Variants in CCDC127 observed in about 807,000 individuals in gnomAD.
CCDC127 encodes coiled-coil domain containing 127.
CCDC127 carries 2 observed loss-of-function variants against 4.1 expected under a neutral mutation model. The observed-to-expected ratio is 0.49, with a 90% CI of 0.20 to 1.53. CCDC127 has a LOEUF of 1.53. CCDC127 is among the 40% of genes most tolerant of loss of function. The probability of loss-of-function intolerance (pLI) is 0.23; values close to 1 mark genes in which losing one functional copy is unlikely to be tolerated. For missense variants in CCDC127, 271 were observed against 322.9 expected (o/e 0.84, Z 1.23); for synonymous variants, 98 against 120.4 (o/e 0.81, Z 1.22).
At chr5:213,881 A>G (rs895697738) in intron 2 of CCDC127, 5 of 152,222 alleles carry the variant, frequency 3.3e-5, no homozygotes, top group Non-Finnish European at 5.9e-5. Context: ...CATCGACACA[A>G]AAACCTACAC....
Position 201,426 on chromosome 5 carries a change from A to G in CCDC127, c.*3871T>C, listed in dbSNP as rs2059859. 6.6e-6 allele frequency: 1 copy of G among 151,776 alleles called. No homozygotes were observed. The highest frequency in any genetic ancestry group is 2.4e-5 in the African/African-American group (1 of 41,362). The allele number at this position is 151,776 out of a possible 1,614,324, so 9.4% of individuals were successfully genotyped here. On this transcript the variant is annotated 3_prime_UTR_variant, in exon 3 of 3. Transcript: ENST00000296824. ...TAATTAGACATAACTTCTCTTTGAA[A>G]GAACACACAGATCATTTGGTGAAGT...
At chr5:211,224 C>G (rs1734280136) in intron 2 of CCDC127, among the ~76,000 whole-genome samples, 1 of 118,490 alleles carries the variant, frequency 8.4e-6, no homozygotes, top group African/African-American at 3.6e-5. Flanking sequence ...CACACTGCAG[C>G]CATGACGAGA....
chr5:218,074 G>A lies in CCDC127; in HGVS notation c.-11+19C>T. On this transcript the variant is annotated intron_variant, in intron 1 of 2. Transcript: ENST00000296824. ...AAATGTTGGTGCCCACCACCTCCCC[G>A]GAACAGGGCCCGCTCTACCTCGGTC... is the stretch of plus-strand genomic sequence containing the variant. The A allele has an allele frequency of 1.7e-6, 2 of 1,159,806 alleles. No homozygotes were observed. Among genetic ancestry groups the A allele is most frequent in the Non-Finnish European group, 2.1e-6 (2 of 940,098 alleles). The allele number at this position is 1,159,806 out of a possible 1,614,324, so 71.8% of individuals were successfully genotyped here.
rs927517039 is a variant in CCDC127, at chr5:197,450, C to T, written c.*7847G>A. 9.2e-5 allele frequency: 14 copies of T among 152,346 alleles called. No homozygotes were observed. Among genetic ancestry groups the T allele is most frequent in the Admixed American group, 5.2e-4 (8 of 15,310 alleles). The allele number at this position is 152,346 out of a possible 1,614,324, so 9.4% of individuals were successfully genotyped here. On this transcript the variant is annotated 3_prime_UTR_variant, in exon 3 of 3. Coordinates refer to ENST00000296824, the MANE Select transcript of CCDC127 (RefSeq NM_145265.3). The stretch of plus-strand genomic sequence containing the variant: ...GAAACCGTGGACAATACCCGGCTTT[C>T]AAGGGCAGAGGTCCCTGCGGCTTTC...
At chr5:213,752 C>T (rs563453660) in intron 2 of CCDC127, 1 of 152,158 alleles carries the variant, frequency 6.6e-6, no homozygotes, top group African/African-American at 2.4e-5. Context: ...TGGTGAGAAC[C>T]TAAAACGGTG....
intron 2 of CCDC127, among the ~76,000 whole-genome samples, chr5:209,960 C>T (rs1422914460): frequency 6.6e-6 from 1 of 152,288 alleles, no homozygotes. Context: ...ACTTGATAAA[C>T]AGCATCTACG....
rs778161816 is a variant in CCDC127 at position 205,466 on chromosome 5, A to G, written c.614T>C (p.Met205Thr). The change falls in exon 3 of 3, where the codon ATG becomes ACG. Residue 205 changes from methionine to threonine, a missense_variant. Met to Thr is a moderately conservative substitution (Grantham distance 81, BLOSUM62 -1). This residue lies in a region of CCDC127 where 265 missense variants were observed against 270.9 expected (regional missense o/e 0.98). Coordinates refer to ENST00000296824, the MANE Select transcript of CCDC127 (RefSeq NM_145265.3). Reference sequence around the variant, plus strand: ...AAATATGTCGGTGAGACCGGCTGCCATCTCTAGGTCAGCGGCGACGGGGTC... The same window carrying G: ...AAATATGTCGGTGAGACCGGCTGCCGTCTCTAGGTCAGCGGCGACGGGGTC... ...SVDPVAADLE[M>T]AAGLTDIFQH... 5 of 1,613,990 alleles carry G rather than the reference A, an allele frequency of 3.1e-6. No homozygotes were observed. Among genetic ancestry groups the G allele is most frequent in the Non-Finnish European group, 3.4e-6 (4 of 1,179,968 alleles).
At chr5:207,083 GGGTCATTAATGGTCACCTTTTTCTTCCA>G (rs1374891310) in intron 2 of CCDC127, among the ~76,000 whole-genome samples, 11 of 152,132 alleles carry the variant, frequency 7.2e-5, no homozygotes, top group Middle Eastern at 3.4e-3. Context: ...ATTTTCTCCC[GGGTCATTAATGGTCACCTTTTTCTTCCA>G]GGTCATTAAT....
chr5:210,141 T>A (rs1055938360), intron 2 of CCDC127, among the ~76,000 whole-genome samples: 9 of 152,236 alleles, frequency 5.9e-5, no homozygotes, highest in African/African-American at 1.9e-4. Flanking sequence ...TCTTACTCCT[T>A]ATTAACAAAA....
intron 1 of CCDC127, chr5:217,276 AAT>A (rs1247753123): frequency 5.8e-6 from 1 of 171,238 alleles, no homozygotes; most frequent in Non-Finnish European, 1.3e-5. Context: ...CTCTGGTACA[AAT>A]ATGTTTAAAT....
rs966732265 is a variant in CCDC127 at position 204,801 on chromosome 5, A to G, written c.*496T>C. The G allele has an allele frequency of 6.6e-6, 1 of 152,538 alleles. No homozygotes were observed. Among genetic ancestry groups the G allele is most frequent in the South Asian group, 2.1e-4 (1 of 4,840 alleles). The allele number at this position is 152,538 out of a possible 1,614,324, so 9.4% of individuals were successfully genotyped here. A position where few individuals can be genotyped will look rare whatever the true frequency, so the allele number is the denominator to read the frequency against. On this transcript the variant is annotated 3_prime_UTR_variant, in exon 3 of 3. Transcript: ENST00000296824. ...CCTTTATGGAGTGAGAGAGATCTTT[A>G]AAATATAAACCCTTGATAATATAAT...
intron 2 of CCDC127, among the ~76,000 whole-genome samples, chr5:207,434 G>C (rs1300314118): frequency 2.0e-5 from 3 of 152,224 alleles, no homozygotes; most frequent in African/African-American, 7.2e-5. Context: ...TATGTGAGGA[G>C]AGAGAAGGGA....
chr5:208,580 CG>C (rs961903715), intron 2 of CCDC127, among the ~76,000 whole-genome samples: 8 of 152,264 alleles, frequency 5.3e-5, no homozygotes, highest in African/African-American at 1.7e-4. Flanking sequence ...AGGGTGGGGT[CG>C]GGGGGAGCCA....
chr5:202,059 A>G lies in CCDC127; in HGVS notation c.*3238T>C, dbSNP rs1272937172. 1.3e-5 allele frequency: 2 copies of G among 152,212 alleles called. No individual in the cohort carries two copies. Among genetic ancestry groups the G allele is most frequent in the African/African-American group, 4.8e-5 (2 of 41,434 alleles). 9.4% of individuals were successfully genotyped at this position (152,212 alleles called of 1,614,324 possible). A position where few individuals can be genotyped will look rare whatever the true frequency, so the allele number is the denominator to read the frequency against. The stretch of plus-strand genomic sequence containing the variant: ...CGCTACAAATTCAGCACACACACCA[A>G]CCAGCACAATTACCCTTTTCTGCAA... On this transcript the variant is annotated 3_prime_UTR_variant, in exon 3 of 3. Transcript: ENST00000296824.
At position 198,104 on chromosome 5, in the gene CCDC127, A is replaced by C. The variant is rs1261923162; in HGVS notation, c.*7193T>G. The C allele has an allele frequency of 2.6e-5, 4 of 152,360 alleles. No individual in the cohort carries two copies. Among genetic ancestry groups the C allele is most frequent in the Admixed American group, 2.6e-4 (4 of 15,292 alleles). 9.4% of individuals were successfully genotyped at this position (152,360 alleles called of 1,614,324 possible). ...GGGTTGTAGGGGTTGGGTACCCAGCATGAGTGCCGTACAGGAGCCTGCCTC... is the reference window on the plus strand; with the variant it reads ...GGGTTGTAGGGGTTGGGTACCCAGCCTGAGTGCCGTACAGGAGCCTGCCTC... On this transcript the variant is annotated 3_prime_UTR_variant, in exon 3 of 3. Coordinates refer to ENST00000296824, the MANE Select transcript of CCDC127 (RefSeq NM_145265.3).
Position 205,748 on chromosome 5 carries a change from C to T in CCDC127, c.332G>A (p.Arg111His), listed in dbSNP as rs751645944. ...SYREALISQG[R>H]KLVEEKKLLE... is the part of the protein sequence containing the mutation. The stretch of plus-strand genomic sequence containing the variant: ...AAGCTTCTTTTCTTCTACCAACTTG[C>T]GTCCCTGAGAGATAAGGGCTTCTCG... The change falls in exon 3 of 3, where the codon CGC becomes CAC. Residue 111 changes from arginine (R) to histidine (H), a missense_variant. This residue lies in a region of CCDC127 where 265 missense variants were observed against 270.9 expected (regional missense o/e 0.98). Transcript: ENST00000296824. 3.2e-5 allele frequency: 52 copies of T among 1,614,034 alleles called. No homozygotes were observed. In the Admixed American group the frequency reaches 8.3e-4, roughly 26 times the overall value.
In CCDC127 at chr5:205,399, T is replaced by C. The variant is rs373166144; in HGVS notation, c.681A>G (p.Lys227=). The C allele has an allele frequency of 6.2e-7, 1 of 1,614,234 alleles. No individual in the cohort carries two copies. Among genetic ancestry groups the C allele is most frequent in the Non-Finnish European group, 8.5e-7 (1 of 1,180,036 alleles). ...TYCGDVWNTN[K]RQNGRLMWLY... The stretch of plus-strand genomic sequence containing the variant: ...GCCACATGAGTCTGCCATTCTGGCG[T>C]TTGTTGGTGTTCCAGACATCACCAC... The change falls in exon 3 of 3, where the codon AAA becomes AAG. Residue 227 remains lysine, a synonymous_variant. Coordinates refer to ENST00000296824, the MANE Select transcript of CCDC127 (RefSeq NM_145265.3).
At position 198,336 on chromosome 5, in the gene CCDC127, AT is replaced by A. The variant is rs1478062978; in HGVS notation, c.*6960del. 1 of 152,268 alleles carries A rather than the reference AT, an allele frequency of 6.6e-6. No individual in the cohort carries two copies. Among genetic ancestry groups the A allele is most frequent in the Non-Finnish European group, 1.5e-5 (1 of 68,048 alleles). The allele number at this position is 152,268 out of a possible 1,614,324, so 9.4% of individuals were successfully genotyped here. A position where few individuals can be genotyped will look rare whatever the true frequency, so the allele number is the denominator to read the frequency against. ...CAGGCAGGGAAGGTGCTGGGCCAAC[AT>A]TTTTAATGACTTACTTCTAACTCTA... On this transcript the variant is annotated 3_prime_UTR_variant, in exon 3 of 3. Transcript: ENST00000296824.
chr5:202,847 T>C lies in CCDC127; in HGVS notation c.*2450A>G, dbSNP rs1250553261. 1 of 152,206 alleles carries C rather than the reference T, an allele frequency of 6.6e-6. No individual in the cohort carries two copies. The highest frequency in any genetic ancestry group is 1.5e-5 in the Non-Finnish European group (1 of 68,040). The allele number at this position is 152,206 out of a possible 1,614,324, so 9.4% of individuals were successfully genotyped here. A position where few individuals can be genotyped will look rare whatever the true frequency, so the allele number is the denominator to read the frequency against. On this transcript the variant is annotated 3_prime_UTR_variant, in exon 3 of 3. Transcript: ENST00000296824. ...CCAGCAGACCGGATTGCCGCAGGAA[T>C]GGAGCCTGCACCGCTCTTTAGGCAA... is the stretch of plus-strand genomic sequence containing the variant.
Sources: allele counts gnomAD v4.1 joint callset (sites outside exome capture counted in the v4.1 genomes callset), GRCh38; gene constraint gnomAD v4.1.1; regional missense constraint gnomAD v4.1.1; transcripts MANE v1.5; gene names NCBI Gene and HGNC (gene_info 2026-07-23, HGNC 2026-07-21).